LIPC: variants seen among roughly 807,000 people sequenced by gnomAD.
The protein encoded by LIPC is hepatic triacylglycerol lipase.
Under a neutral mutation model 50.7 loss-of-function variants are expected in LIPC, and 44 were observed. The ratio of observed to expected loss-of-function variants is 0.87; its 90% CI spans 0.68 to 1.11. The LOEUF (loss-of-function observed/expected upper bound fraction) is 1.11. Among genes scored for constraint, LIPC ranks in the 50% most tolerant of loss-of-function variants. LIPC has a pLI of 0.00. For synonymous variants in LIPC, 271 were observed against 256.4 expected (o/e 1.06, Z -0.54); for missense variants, 697 against 648.2 (o/e 1.08, Z -0.82).
At chr15:58,485,293 C>G (rs776419657) in intron 1 of LIPC, among the ~76,000 whole-genome samples, 2 of 152,098 alleles carry the variant, frequency 1.3e-5, no homozygotes, top group Non-Finnish European at 2.9e-5. Flanking sequence ...TTTTAGGAGA[C>G]AGTATCAACA....
At chr15:58,445,467 A>T (rs2140655982) in intron 1 of LIPC, among the ~76,000 whole-genome samples, 1 of 152,292 alleles carries the variant, frequency 6.6e-6, no homozygotes, top group Non-Finnish European at 1.5e-5. Context: ...TCCCACATAG[A>T]AGGGTCAAGC....
At chr15:58,565,619 A>G (rs1008806079) in intron 8 of LIPC, 5 of 1,066,892 alleles carry the variant, frequency 4.7e-6, no homozygotes, top group Non-Finnish European at 5.7e-6. Context: ...ACATTGCTCA[A>G]AATTGTCCCA....
chr15:58,506,020 C>T (rs563176414), intron 1 of LIPC, among the ~76,000 whole-genome samples: 5 of 152,240 alleles, frequency 3.3e-5, no homozygotes, highest in African/African-American at 9.6e-5. Context: ...TCCTTACTCA[C>T]CAACTTGGAG....
At chr15:58,555,590 C>T (rs1893915111) in intron 6 of LIPC, among the ~76,000 whole-genome samples, 1 of 152,202 alleles carries the variant, frequency 6.6e-6, no homozygotes, top group African/African-American at 2.4e-5. Context: ...TATTTATATT[C>T]ACCAGGATAA....
chr15:58,534,274 G>T (rs1297453603), intron 1 of LIPC, among the ~76,000 whole-genome samples: 2 of 152,200 alleles, frequency 1.3e-5, no homozygotes, highest in Non-Finnish European at 2.9e-5. Context: ...AGAAACTGCA[G>T]TAAAGGTATG....
intron 1 of LIPC, 132 bp downstream of exon 1, chr15:58,432,252 G>A (rs545401813): frequency 1.2e-3 from 848 of 732,528 alleles, no homozygotes; most frequent in Non-Finnish European, 1.8e-3. Context: ...TTCTATACAC[G>A]ACCTCACAGG....
intron 1 of LIPC, among the ~76,000 whole-genome samples, chr15:58,487,419 G>C (rs945270644): frequency 6.6e-6 from 1 of 152,248 alleles, no homozygotes; most frequent in Admixed American, 6.5e-5. Context: ...ATTATTTTTA[G>C]TGGTGGTAAT....
chr15:58,491,541 C>A (rs576130695), intron 1 of LIPC, among the ~76,000 whole-genome samples: 1 of 152,210 alleles, frequency 6.6e-6, no homozygotes, highest in Non-Finnish European at 1.5e-5. Context: ...TCCTTCCCCA[C>A]CTCAGTTTCA....
chr15:58,448,626 T>C (rs1893787698), intron 1 of LIPC, among the ~76,000 whole-genome samples: 1 of 152,236 alleles, frequency 6.6e-6, no homozygotes, highest in Non-Finnish European at 1.5e-5. Flanking sequence ...TAAGTGGGCC[T>C]TCACCATATG....
chr15:58,443,745 T>C (rs1175524659), intron 1 of LIPC, among the ~76,000 whole-genome samples: 1 of 152,240 alleles, frequency 6.6e-6, no homozygotes, highest in Non-Finnish European at 1.5e-5. Context: ...TTCACCTGGG[T>C]GCAGGCGGGC....
At chr15:58,520,800 A>C (rs1159973327) in intron 1 of LIPC, among the ~76,000 whole-genome samples, 1 of 152,060 alleles carries the variant, frequency 6.6e-6, no homozygotes, top group African/African-American at 2.4e-5. Context: ...TGGCCACAAA[A>C]CTCCTTTTTC....
intron 1 of LIPC, among the ~76,000 whole-genome samples, chr15:58,445,426 T>C (rs188276042): frequency 2.3e-3 from 353 of 152,328 alleles, no homozygotes; most frequent in African/African-American, 8.1e-3. Flanking sequence ...CAAGGCCGGC[T>C]GCCACTTTCT....
At chr15:58,473,671 T>C (rs1890886310) in intron 1 of LIPC, 1 of 152,270 alleles carries the variant, frequency 6.6e-6, no homozygotes, top group South Asian at 2.1e-4. Context: ...GGGGCTTTGC[T>C]TAAATCACTC....
rs56309142 is a variant in LIPC, at chr15:58,469,102, TTGTGTG to T, written c.88+37018_88+37023del. Among the ~76,000 whole-genome samples, 347 of 140,682 alleles carry T rather than the reference TTGTGTG, an allele frequency of 2.5e-3. 1 individual carries two copies. Among genetic ancestry groups the T allele is most frequent in the Middle Eastern group, 7.2e-3 (2 of 278 alleles). 92.3% of individuals were successfully genotyped at this position (140,682 alleles called of 152,430 possible). A position where few individuals can be genotyped will look rare whatever the true frequency, so the allele number is the denominator to read the frequency against. Reference sequence around the variant, plus strand: ...AACTTAAACGGCTTCAGGGAACATTTTGTGTGTGTGTGTGTGTGTGTGTGTGTGTGT... The same window carrying T: ...AACTTAAACGGCTTCAGGGAACATTTTGTGTGTGTGTGTGTGTGTGTGTGT... On this transcript the variant is annotated intron_variant, in intron 1 of 8. Coordinates refer to ENST00000299022, the MANE Select transcript of LIPC (RefSeq NM_000236.3).
intron 1 of LIPC, among the ~76,000 whole-genome samples, chr15:58,511,324 C>T (rs1220495914): frequency 6.6e-6 from 1 of 152,112 alleles, no homozygotes; most frequent in Non-Finnish European, 1.5e-5. Flanking sequence ...GTGGTGAAAG[C>T]AGAGTAACTG....
chr15:58,471,127 C>G (rs377334719), intron 1 of LIPC, among the ~76,000 whole-genome samples: 3 of 137,614 alleles, frequency 2.2e-5, no homozygotes, highest in Admixed American at 7.2e-5. Flanking sequence ...TTTTTTTTTT[C>G]TTTTCTCTTT....
chr15:58,563,957 G>A (rs1894266196), intron 8 of LIPC: 17 of 542,400 alleles, frequency 3.1e-5, no homozygotes, highest in East Asian at 7.0e-5. Context: ...CCCACTGCCC[G>A]TGGCTAACGC....
At chr15:58,456,708 T>C (rs961815677) in intron 1 of LIPC, among the ~76,000 whole-genome samples, 2 of 152,312 alleles carry the variant, frequency 1.3e-5, no homozygotes, top group East Asian at 3.9e-4. Flanking sequence ...AGATGTCTGG[T>C]CTCTCTTTGC....
chr15:58,508,822 G>A (rs1341123200), intron 1 of LIPC, among the ~76,000 whole-genome samples: 3 of 151,906 alleles, frequency 2.0e-5, no homozygotes, highest in African/African-American at 7.3e-5. Context: ...TGAAAGGGCT[G>A]TGGGTTTTTC....
Sources: allele counts gnomAD v4.1 joint callset (sites outside exome capture counted in the v4.1 genomes callset), GRCh38; gene constraint gnomAD v4.1.1; transcripts MANE v1.5; gene names NCBI Gene and HGNC (gene_info 2026-07-23, HGNC 2026-07-21).